The following SLC38A4 variants were observed in gnomAD, a reference collection of about 807,000 sequenced individuals.
SLC38A4 encodes sodium-coupled neutral amino acid transporter 4.
SLC38A4 carries 20 observed loss-of-function variants against 63.1 expected under a neutral mutation model. That is an observed-to-expected ratio of 0.32 (90% CI 0.22 to 0.46). The LOEUF is 0.46. SLC38A4 is among the 20% of genes least tolerant of loss of function. SLC38A4 has a pLI of 1.00. For missense variants in SLC38A4, 526 were observed against 663.6 expected (o/e 0.79, Z 2.28); for synonymous variants, 230 against 225.5 (o/e 1.02, Z -0.18).
chr12:46,783,093 G>C (rs2120794474), intron 7 of SLC38A4, among the ~76,000 whole-genome samples: 1 of 148,350 alleles, frequency 6.7e-6, no homozygotes, highest in Middle Eastern at 3.4e-3. Flanking sequence ...CAGTCAAGGG[G>C]AGAAAGTAGC....
chr12:46,801,905 G>C (rs1345637050), intron 2 of SLC38A4, among the ~76,000 whole-genome samples: 1 of 151,998 alleles, frequency 6.6e-6, no homozygotes, highest in African/African-American at 2.4e-5. Context: ...AATAACAGCA[G>C]AACTGTACTT....
chr12:46,771,736 T>C (rs1938420589), intron 14 of SLC38A4, among the ~76,000 whole-genome samples: 1 of 152,070 alleles, frequency 6.6e-6, no homozygotes, highest in Non-Finnish European at 1.5e-5. Flanking sequence ...GGTCATTCCA[T>C]GTTAAAGTGC....
At chr12:46,813,871 GA>G (rs1308519933) in intron 1 of SLC38A4, among the ~76,000 whole-genome samples, 2 of 152,150 alleles carry the variant, frequency 1.3e-5, no homozygotes, top group African/African-American at 4.8e-5. Context: ...AGAGCATTGA[GA>G]AGAGCATCTG....
At chr12:46,823,211 C>A (rs746153340) in intron 1 of SLC38A4, among the ~76,000 whole-genome samples, 4 of 152,086 alleles carry the variant, frequency 2.6e-5, no homozygotes, top group Admixed American at 6.5e-5. Context: ...ATGCAAAATT[C>A]AGTGGGTCTT....
At chr12:46,802,984 C>A (rs936961743) in intron 2 of SLC38A4, among the ~76,000 whole-genome samples, 1 of 152,002 alleles carries the variant, frequency 6.6e-6, no homozygotes, top group Non-Finnish European at 1.5e-5. Flanking sequence ...ATTCAATTCC[C>A]TAGTTTCTTT....
At chr12:46,805,912 G>C (rs1939221397) in intron 1 of SLC38A4, among the ~76,000 whole-genome samples, 1 of 151,892 alleles carries the variant, frequency 6.6e-6, no homozygotes, top group Non-Finnish European at 1.5e-5. Flanking sequence ...CTGGGGGTAA[G>C]ATACATCCAC....
chr12:46,797,842 A>G (rs948834153), intron 2 of SLC38A4, among the ~76,000 whole-genome samples: 4 of 152,180 alleles, frequency 2.6e-5, no homozygotes, highest in African/African-American at 9.6e-5. Flanking sequence ...AACTTGTGAT[A>G]GGCCCTCTTC....
chr12:46,809,152 C>G (rs1298100878), intron 1 of SLC38A4, among the ~76,000 whole-genome samples: 1 of 151,990 alleles, frequency 6.6e-6, no homozygotes, highest in East Asian at 1.9e-4. Context: ...GTAGTTTAAG[C>G]TGTGACCCAA....
At chr12:46,804,518 G>C (rs551086476) in intron 1 of SLC38A4, among the ~76,000 whole-genome samples, 1 of 152,048 alleles carries the variant, frequency 6.6e-6, no homozygotes, top group South Asian at 2.1e-4. Flanking sequence ...AAGTATTTAT[G>C]ACATGAATGA....
chr12:46,810,679 T>G (rs1207674745), intron 1 of SLC38A4, among the ~76,000 whole-genome samples: 4 of 151,982 alleles, frequency 2.6e-5, no homozygotes, highest in African/African-American at 9.7e-5. Flanking sequence ...TCTATTTTAT[T>G]TAATTTATAT....
Position 46,778,722 on chromosome 12 carries a change from C to T in SLC38A4, c.772G>A (p.Val258Ile), listed in dbSNP as rs749948036. 2 of 1,612,692 alleles carry T rather than the reference C, an allele frequency of 1.2e-6. No homozygotes were observed. The highest frequency in any genetic ancestry group is 1.7e-6 in the Non-Finnish European group (2 of 1,179,230). ...GTGTTGTTGAATGACAGATTTCCAA[C>T]ACTGTGATCCAAAACAGGTAGAGGG... is the stretch of plus-strand genomic sequence containing the variant. The part of the protein sequence containing the change: ...PCPLPVLDHS[V>I]GNLSFNNTLP... Residue 258 changes from valine (V) to isoleucine (I), a missense_variant, in exon 11 of 17, where the codon GTT (valine) becomes ATT (isoleucine). By Grantham distance (29) the Val-to-Ile change is conservative. Coordinates refer to ENST00000266579, the MANE Select transcript of SLC38A4 (RefSeq NM_018018.5).
intron 1 of SLC38A4, among the ~76,000 whole-genome samples, chr12:46,814,632 C>T (rs1192127590): frequency 6.6e-6 from 1 of 151,986 alleles, no homozygotes; most frequent in African/African-American, 2.4e-5. Flanking sequence ...ATTGCCAAAA[C>T]AGCCACACAG....
intron 1 of SLC38A4, among the ~76,000 whole-genome samples, chr12:46,814,578 C>T (rs565418736): frequency 3.0e-4 from 46 of 152,028 alleles, no homozygotes; most frequent in African/African-American, 1.1e-3. Flanking sequence ...ACCTACATTT[C>T]ACTCACACTG....
intron 3 of SLC38A4, among the ~76,000 whole-genome samples, chr12:46,789,021 G>A (rs1565669268): frequency 6.6e-6 from 1 of 152,070 alleles, no homozygotes; most frequent in African/African-American, 2.4e-5. Flanking sequence ...TTAATTCAAC[G>A]AATATTTATT....
At chr12:46,768,675 C>T (rs1186481840) in intron 15 of SLC38A4, among the ~76,000 whole-genome samples, 2 of 152,106 alleles carry the variant, frequency 1.3e-5, no homozygotes, top group Non-Finnish European at 2.9e-5. Context: ...CACAAATTTA[C>T]AGGGGATTAG....
chr12:46,782,740 C>T (rs1311512089), intron 7 of SLC38A4, among the ~76,000 whole-genome samples: 1 of 150,848 alleles, frequency 6.6e-6, no homozygotes, highest in Non-Finnish European at 1.5e-5. Context: ...CATATGTTAC[C>T]TTATTTCATC....
At chr12:46,787,889 C>A in intron 5 of SLC38A4, 27 bp downstream of exon 5, 1 of 1,522,758 alleles carries the variant, frequency 6.6e-7, no homozygotes, top group South Asian at 1.1e-5. Context: ...ACTTCATCAC[C>A]AAATGTAGAC....
At chr12:46,777,088 G>T (rs1270979823) in intron 12 of SLC38A4, 84 bp from the exon 13 acceptor site, 2 of 1,128,416 alleles carry the variant, frequency 1.8e-6, no homozygotes, top group African/African-American at 3.2e-5. Flanking sequence ...TAATAAAAAA[G>T]TATATCTATA....
chr12:46,768,516 A>G, intron 15 of SLC38A4, 109 bp from the exon 16 acceptor site: 1 of 621,222 alleles, frequency 1.6e-6, no homozygotes, highest in Non-Finnish European at 2.6e-6. Context: ...TCCTATACTT[A>G]GCACTAAAAA....
Sources: allele counts gnomAD v4.1 joint callset (sites outside exome capture counted in the v4.1 genomes callset), GRCh38; gene constraint gnomAD v4.1.1; transcripts MANE v1.5; gene names NCBI Gene and HGNC (gene_info 2026-07-23, HGNC 2026-07-21).